The following IQCK variants were observed in gnomAD, a reference collection of about 807,000 sequenced individuals.
IQCK encodes IQ domain-containing protein K.
Under a neutral mutation model 28.1 loss-of-function variants are expected in IQCK, and 29 were observed. The observed-to-expected ratio is 1.03, with a 90% CI of 0.77 to 1.41. IQCK has a LOEUF of 1.41. Ranked by LOEUF, IQCK falls within the 40% of genes most tolerant of loss-of-function variation. IQCK has a pLI of 0.00. For missense variants in IQCK, 359 were observed against 314.7 expected, an observed-to-expected ratio of 1.14 and a Z score of -1.07; for synonymous variants, 113 against 115.1, an observed-to-expected ratio of 0.98 and a Z score of 0.12.
chr16:19,839,852 G>A (rs1426304451), intron 9 of IQCK, among the ~76,000 whole-genome samples: 1 of 151,924 alleles, frequency 6.6e-6, no homozygotes, highest in Non-Finnish European at 1.5e-5. Context: ...ATAAATAACT[G>A]GGTAGCGTGG....
At chr16:19,815,666 G>A (rs1427819906) in intron 7 of IQCK, among the ~76,000 whole-genome samples, 3 of 152,272 alleles carry the variant, frequency 2.0e-5, no homozygotes, top group Admixed American at 1.3e-4. Flanking sequence ...GCAAGATCCT[G>A]TCTCAAAAAC....
chr16:19,774,352 C>T (rs2055360153), intron 6 of IQCK, among the ~76,000 whole-genome samples: 1 of 150,608 alleles, frequency 6.6e-6, no homozygotes, highest in African/African-American at 2.4e-5. Flanking sequence ...GTACATATAC[C>T]AAGCAGGTAT....
Position 19,721,197 on chromosome 16 carries a change from A to G in IQCK, c.181+2710A>G, listed in dbSNP as rs143559664. On this transcript the variant is annotated intron_variant, in intron 1 of 7. Coordinates refer to ENST00000564186, the Ensembl canonical transcript of IQCK. The stretch of plus-strand genomic sequence containing the variant: ...AAAAAACAGGCTTTGTAGTAATCCT[A>G]TCTTTGAGATTAAGTACTACATTCT... 9.2e-5 allele frequency among the ~76,000 whole-genome samples: 14 copies of G among 152,254 alleles called. No homozygotes were observed. In the East Asian group the frequency reaches 9.6e-4, roughly 10 times the overall value.
chr16:19,780,590 G>A (rs1312119089), intron 6 of IQCK, among the ~76,000 whole-genome samples: 2 of 152,156 alleles, frequency 1.3e-5, no homozygotes, highest in East Asian at 3.8e-4. Flanking sequence ...CTTGGAAAGG[G>A]AAGGAAATTC....
At chr16:19,826,868 G>T (rs2056156163) in intron 7 of IQCK, among the ~76,000 whole-genome samples, 158 bp from the exon 8 acceptor site, 1 of 152,150 alleles carries the variant, frequency 6.6e-6, no homozygotes, top group Non-Finnish European at 1.5e-5. Flanking sequence ...CAAATATGAT[G>T]TAAGCTCTAG....
At chr16:19,752,819 C>T (rs1420376759) in intron 4 of IQCK, among the ~76,000 whole-genome samples, 1 of 152,162 alleles carries the variant, frequency 6.6e-6, no homozygotes, top group Non-Finnish European at 1.5e-5. Flanking sequence ...TTGCCTCAGC[C>T]TCCCAAAGTG....
chr16:19,751,370 C>T (rs75909926), intron 4 of IQCK, among the ~76,000 whole-genome samples: 16,230 of 151,938 alleles, frequency 0.11, 2,725 homozygotes, highest in African/African-American at 0.36. Flanking sequence ...TCCCAGCACT[C>T]GGGAGGCTGA....
At chr16:19,780,583 G>A (rs187911642) in intron 6 of IQCK, among the ~76,000 whole-genome samples, 13 of 152,278 alleles carry the variant, frequency 8.5e-5, no homozygotes, top group Non-Finnish European at 1.5e-4. Context: ...CCCGGAACTT[G>A]GAAAGGGAAG....
chr16:19,826,195 A>T (rs1055690271), intron 7 of IQCK, among the ~76,000 whole-genome samples: 3 of 151,918 alleles, frequency 2.0e-5, no homozygotes, highest in Non-Finnish European at 4.4e-5. Flanking sequence ...TTTTATAGAG[A>T]TGACGTCTCA....
chr16:19,768,978 G>T (rs2055280995), intron 6 of IQCK, among the ~76,000 whole-genome samples: 1 of 152,184 alleles, frequency 6.6e-6, no homozygotes, highest in South Asian at 2.1e-4. Flanking sequence ...GTCACAGGGG[G>T]TGCAGTCATC....
At chr16:19,833,525 T>A (rs2056258722) in intron 9 of IQCK, among the ~76,000 whole-genome samples, 1 of 152,176 alleles carries the variant, frequency 6.6e-6, no homozygotes, top group Non-Finnish European at 1.5e-5. Context: ...GAAGCACACC[T>A]TCCTGGAGCT....
chr16:19,745,175 T>C (rs986355877), intron 4 of IQCK, among the ~76,000 whole-genome samples: 4 of 152,246 alleles, frequency 2.6e-5, no homozygotes, highest in Admixed American at 1.3e-4. Flanking sequence ...GTCCTCATAT[T>C]TGACCCTGCT....
exon 10 of IQCK, chr16:19,856,748 T>G (rs1298416425): frequency 1.8e-5 from 10 of 559,758 alleles, no homozygotes; most frequent in East Asian, 1.8e-4. Context: ...CAGTCTTCAC[T>G]TTCTGCATTA....
chr16:19,838,493 CTCTT>C (rs1012079740), intron 9 of IQCK, among the ~76,000 whole-genome samples: 4 of 152,094 alleles, frequency 2.6e-5, no homozygotes, highest in Non-Finnish European at 5.9e-5. Flanking sequence ...CCCAGAATGA[CTCTT>C]TCTGAATGCA....
rs142071437 is a variant in IQCK, at chr16:19,854,610, C to T, written c.803-1877C>T. On this transcript the variant is annotated intron_variant, in intron 9 of 9. Coordinates refer to the IQCK transcript ENST00000320394. ...CTGAAGTTATGCCTGATGCTGGCTG[C>T]ACTAGTTGACCTGTGTACCTCCCTG... is the stretch of plus-strand genomic sequence containing the variant. Among the ~76,000 whole-genome samples, 575 of 152,368 alleles carry T rather than the reference C, an allele frequency of 3.8e-3. 2 individuals carry two copies. The highest frequency in any genetic ancestry group is 4.8e-3 in the Non-Finnish European group (327 of 68,038).
chr16:19,837,805 C>G (rs1356700540), intron 9 of IQCK, among the ~76,000 whole-genome samples: 1 of 152,094 alleles, frequency 6.6e-6, no homozygotes, highest in Non-Finnish European at 1.5e-5. Context: ...TGGGTTTATT[C>G]TTGGTAGAGA....
chr16:19,740,404 G>C (rs1464364508), intron 4 of IQCK, among the ~76,000 whole-genome samples: 1 of 152,198 alleles, frequency 6.6e-6, no homozygotes, highest in Admixed American at 6.5e-5. Flanking sequence ...TGGAAGGGGA[G>C]TGAGGCTGGG....
At chr16:19,855,757 C>T (rs574256317) in intron 9 of IQCK, among the ~76,000 whole-genome samples, 2 of 152,264 alleles carry the variant, frequency 1.3e-5, no homozygotes, top group African/African-American at 4.8e-5. Flanking sequence ...ATGCTCTCCA[C>T]AAATCATCAG....
At chr16:19,772,660 A>G (rs1349702145) in intron 6 of IQCK, among the ~76,000 whole-genome samples, 1 of 152,042 alleles carries the variant, frequency 6.6e-6, no homozygotes, top group Non-Finnish European at 1.5e-5. Flanking sequence ...ATTCCTTTTA[A>G]TTTTTTCTGT....
Sources: gnomAD v4.1 joint callset for allele counts (sites outside exome capture counted in the v4.1 genomes callset) on GRCh38, gnomAD v4.1.1 for gene constraint, MANE v1.5 for transcripts, NCBI Gene and HGNC (gene_info 2026-07-23, HGNC 2026-07-21) for gene names.